Variants in ANKS1B observed in about 807,000 individuals in gnomAD.
ANKS1B encodes ankyrin repeat and sterile alpha motif domain-containing protein 1B.
Under a neutral mutation model 148.3 loss-of-function variants are expected in ANKS1B, and 36 were observed. That is an observed-to-expected ratio of 0.24 (90% CI 0.19 to 0.32). The LOEUF is 0.32. Among genes scored for constraint, ANKS1B ranks in the 10% least tolerant of loss-of-function variants. The pLI is 1.00. For missense variants in ANKS1B, 1,157 were observed against 1,542.6 expected, an observed-to-expected ratio of 0.75 and a Z score of 4.19; for synonymous variants, 542 against 560.8, an observed-to-expected ratio of 0.97 and a Z score of 0.47.
At chr12:99,646,344 T>C (rs2098363287) in intron 9 of ANKS1B, among the ~76,000 whole-genome samples, 1 of 152,190 alleles carries the variant, frequency 6.6e-6, no homozygotes, top group Non-Finnish European at 1.5e-5. Context: ...GAAATTATGT[T>C]TGCATTGACT....
At chr12:99,239,102 G>GACA (rs2088673458) in intron 14 of ANKS1B, among the ~76,000 whole-genome samples, 1 of 152,060 alleles carries the variant, frequency 6.6e-6, no homozygotes, top group Non-Finnish European at 1.5e-5. Flanking sequence ...TCAGAAGGTT[G>GACA]GAATAACAAA....
intron 17 of ANKS1B, among the ~76,000 whole-genome samples, chr12:98,837,259 C>T (rs1188823006): frequency 6.6e-6 from 1 of 151,588 alleles, no homozygotes; most frequent in Non-Finnish European, 1.5e-5. Flanking sequence ...ATCACTTGAA[C>T]CCGGGAGGTG....
At chr12:99,598,061 G>A (rs1465391644) in intron 9 of ANKS1B, among the ~76,000 whole-genome samples, 1 of 152,050 alleles carries the variant, frequency 6.6e-6, no homozygotes, top group Non-Finnish European at 1.5e-5. Context: ...CTACCAAGAA[G>A]TAGAGAATTA....
intron 9 of ANKS1B, among the ~76,000 whole-genome samples, chr12:99,596,466 C>T (rs1415237051): frequency 6.6e-6 from 1 of 151,862 alleles, no homozygotes; most frequent in African/African-American, 2.4e-5. Context: ...AGTATGTCCG[C>T]ATCTTAACTA....
At chr12:99,592,026 T>A (rs934761988) in intron 9 of ANKS1B, among the ~76,000 whole-genome samples, 3 of 152,170 alleles carry the variant, frequency 2.0e-5, no homozygotes, top group African/African-American at 7.2e-5. Flanking sequence ...TAAACTATAC[T>A]CAAATGTACT....
intron 1 of ANKS1B, among the ~76,000 whole-genome samples, chr12:99,930,301 T>A (rs796270206): frequency 6.6e-6 from 1 of 152,036 alleles, no homozygotes. Context: ...TCTCTGTTTG[T>A]CTGTTATTGG....
chr12:99,234,401 C>T (rs895339220), intron 14 of ANKS1B, among the ~76,000 whole-genome samples: 1 of 152,126 alleles, frequency 6.6e-6, no homozygotes. Context: ...TTGACTGGTG[C>T]ATTTATCATG....
At chr12:99,652,694 G>T (rs1279706354) in intron 9 of ANKS1B, among the ~76,000 whole-genome samples, 1 of 152,108 alleles carries the variant, frequency 6.6e-6, no homozygotes, top group Non-Finnish European at 1.5e-5. Flanking sequence ...CAAGTCAGCT[G>T]CTAGTTTTAA....
chr12:99,104,963 C>T (rs1359806256), intron 15 of ANKS1B: 1 of 152,204 alleles, frequency 6.6e-6, no homozygotes, highest in Middle Eastern at 3.2e-3. Flanking sequence ...CCAGGTTGAG[C>T]ACAGCACCTG....
At chr12:99,829,514 G>C (rs1210661242) in intron 1 of ANKS1B, among the ~76,000 whole-genome samples, 2 of 152,170 alleles carry the variant, frequency 1.3e-5, no homozygotes, top group Non-Finnish European at 2.9e-5. Flanking sequence ...AGCCAGGCAT[G>C]GTAGCGGGTG....
At chr12:99,834,435 T>C (rs760508636) in intron 1 of ANKS1B, among the ~76,000 whole-genome samples, 11 of 152,218 alleles carry the variant, frequency 7.2e-5, no homozygotes, top group Non-Finnish European at 1.6e-4. Flanking sequence ...TCTCAGACAA[T>C]ATGGGGTTGC....
rs182588263 is a variant in ANKS1B at position 99,849,543 on chromosome 12, T to C, written c.135-24154A>G. 2.6e-5 allele frequency among the ~76,000 whole-genome samples: 4 copies of C among 152,268 alleles called. No homozygotes were observed. The East Asian group carries it at 5.8e-4, about 22-fold the overall frequency. On this transcript the variant is annotated intron_variant, in intron 1 of 26. Coordinates refer to ENST00000683438, the MANE Select transcript of ANKS1B (RefSeq NM_001352186.2). ...CCAGCAATTCAGAAATTCTTACCTA[T>C]GTTCACTAAAAAACATGTACAAGCA...
intron 5 of ANKS1B, among the ~76,000 whole-genome samples, chr12:99,781,620 T>C (rs780095941): frequency 2.0e-5 from 3 of 152,236 alleles, no homozygotes; most frequent in Non-Finnish European, 2.9e-5. Context: ...CTCAAATCTC[T>C]GTTTACCGTA....
chr12:99,913,791 A>G (rs959462405), intron 1 of ANKS1B, among the ~76,000 whole-genome samples: 1 of 152,100 alleles, frequency 6.6e-6, no homozygotes, highest in African/African-American at 2.4e-5. Context: ...GATTAGGAGA[A>G]CTCACTAATT....
chr12:98,767,066 G>T (rs993494703), intron 25 of ANKS1B, among the ~76,000 whole-genome samples: 1 of 150,726 alleles, frequency 6.6e-6, no homozygotes, highest in African/African-American at 2.4e-5. Flanking sequence ...TGATCCTCCT[G>T]CCTCAGCCTC....
At chr12:98,749,565 G>T (rs2098016819) in intron 26 of ANKS1B, among the ~76,000 whole-genome samples, 1 of 152,134 alleles carries the variant, frequency 6.6e-6, no homozygotes, top group Admixed American at 6.5e-5. Context: ...TCTTCAAGTA[G>T]CCGAGACCTG....
chr12:99,594,099 G>A (rs961883380), intron 9 of ANKS1B, among the ~76,000 whole-genome samples: 6 of 151,890 alleles, frequency 4.0e-5, no homozygotes, highest in African/African-American at 1.5e-4. Flanking sequence ...TCTAAAATGG[G>A]GGTATTTATC....
At chr12:99,776,468 T>G (rs1316292335) in intron 6 of ANKS1B, among the ~76,000 whole-genome samples, 1 of 152,182 alleles carries the variant, frequency 6.6e-6, no homozygotes, top group East Asian at 1.9e-4. Flanking sequence ...CAAATAAATA[T>G]AAGACAAGAA....
chr12:98,765,532 G>A (rs2098468988), intron 25 of ANKS1B, among the ~76,000 whole-genome samples: 1 of 151,504 alleles, frequency 6.6e-6, no homozygotes, highest in South Asian at 2.1e-4. Flanking sequence ...CCAAAGTGCT[G>A]AGATTACAGG....
Sources: gnomAD v4.1 joint callset for allele counts (sites outside exome capture counted in the v4.1 genomes callset) on GRCh38, gnomAD v4.1.1 for gene constraint, MANE v1.5 for transcripts, NCBI Gene and HGNC (gene_info 2026-07-23, HGNC 2026-07-21) for gene names.